Variants in NOX3 observed in about 807,000 individuals in gnomAD.
The protein encoded by NOX3 is NADPH oxidase catalytic subunit-like 3.
Under a neutral mutation model 76.7 loss-of-function variants are expected in NOX3, and 74 were observed. The observed-to-expected ratio is 0.96, with a 90% CI of 0.80 to 1.17. The LOEUF (loss-of-function observed/expected upper bound fraction) is 1.17. NOX3 is among the 50% of genes most tolerant of loss of function. The probability of loss-of-function intolerance (pLI) is 0.00; values close to 1 mark genes in which losing one functional copy is unlikely to be tolerated. For missense variants in NOX3, 695 were observed against 703.3 expected (o/e 0.99, Z 0.13); for synonymous variants, 263 against 261.1 (o/e 1.01, Z -0.07).
At chr6:155,444,898 A>T (rs1049521800) in intron 4 of NOX3, among the ~76,000 whole-genome samples, 1 of 152,218 alleles carries the variant, frequency 6.6e-6, no homozygotes, top group Non-Finnish European at 1.5e-5. Context: ...ATAAATTTGC[A>T]TGTGTTATTT....
At position 155,401,342 on chromosome 6, in the gene NOX3, A is replaced by T. The variant is rs1034502204; in HGVS notation, c.1581-4380T>A. Among the ~76,000 whole-genome samples the T allele has an allele frequency of 3.3e-5, 5 of 152,142 alleles. No homozygotes were observed. The East Asian group carries it at 9.6e-4, about 29-fold the overall frequency. On this transcript the variant is annotated intron_variant, in intron 12 of 13. Transcript: ENST00000159060. ...AGTTTATGGTGTCTTTATTTTTCCCATGAAGCTGTAACTTATCATGTGTTG... is the reference window on the plus strand; with the variant it reads ...AGTTTATGGTGTCTTTATTTTTCCCTTGAAGCTGTAACTTATCATGTGTTG...
chr6:155,442,692 C>A lies in NOX3; in HGVS notation c.486+581G>T, dbSNP rs1029852416. ...CTACATTTTTGGTTTTCTTTTTGTTCCCCATAGCTGCTGACAGTCTGTGCA... is the reference window on the plus strand; with the variant it reads ...CTACATTTTTGGTTTTCTTTTTGTTACCCATAGCTGCTGACAGTCTGTGCA... On this transcript the variant is annotated intron_variant, in intron 5 of 13. Coordinates refer to ENST00000159060, the MANE Select transcript of NOX3 (RefSeq NM_015718.3). 5.3e-5 allele frequency among the ~76,000 whole-genome samples: 8 copies of A among 152,290 alleles called. 1 individual carries two copies. Among genetic ancestry groups the A allele is most frequent in the East Asian group, 3.9e-4 (2 of 5,186 alleles).
chr6:155,436,339 C>CT (rs1181217511), intron 7 of NOX3, 79 bp downstream of exon 7: 2 of 1,539,034 alleles, frequency 1.3e-6, no homozygotes, highest in Non-Finnish European at 1.8e-6. Flanking sequence ...AATGTGCTTT[C>CT]TTTTTTCCAA....
chr6:155,407,198 C>G lies in NOX3; in HGVS notation c.1512G>C (p.Lys504Asn), dbSNP rs1239690628. 1 of 1,613,944 alleles carries G rather than the reference C, an allele frequency of 6.2e-7. No homozygotes were observed. Among genetic ancestry groups the G allele is most frequent in the Non-Finnish European group, 8.5e-7 (1 of 1,179,918 alleles). The change falls in exon 12 of 14, where the codon AAG becomes AAC. Residue 504 changes from lysine to asparagine, a missense_variant. Physicochemically the swap from Lys to Asn is moderately conservative, Grantham distance 94 (BLOSUM62 0). Coordinates refer to ENST00000159060, the MANE Select transcript of NOX3 (RefSeq NM_015718.3). ...DENTDVITGL[K>N]QKTFYGRPNW... ...TGGGCCTCCCATAGAAGGTCTTCTGCTTTAAGCCTGTAATCACGTCAGTAT... is the reference window on the plus strand; with the variant it reads ...TGGGCCTCCCATAGAAGGTCTTCTGGTTTAAGCCTGTAATCACGTCAGTAT...
chr6:155,442,364 G>T (rs956897566), intron 5 of NOX3, among the ~76,000 whole-genome samples: 1 of 152,212 alleles, frequency 6.6e-6, no homozygotes, highest in African/African-American at 2.4e-5. Context: ...CTAATTAGGG[G>T]ACATGACATG....
intron 4 of NOX3, 143 bp from the exon 5 acceptor site, chr6:155,443,561 T>A (rs2114705387): frequency 6.2e-6 from 6 of 970,380 alleles, no homozygotes; most frequent in Non-Finnish European, 8.9e-6. Context: ...TACACATCTT[T>A]CCCAGTGCTT....
intron 12 of NOX3, among the ~76,000 whole-genome samples, chr6:155,399,831 G>A (rs1011466443): frequency 6.6e-6 from 1 of 151,648 alleles, no homozygotes; most frequent in Non-Finnish European, 1.5e-5. Flanking sequence ...ACCCACAATC[G>A]CTTGGAATTA....
Position 155,445,966 on chromosome 6 carries a change from TATA to T in NOX3, c.341-2551_341-2549del, listed in dbSNP as rs796533645. Among the ~76,000 whole-genome samples, 13 of 102,374 alleles carry T rather than the reference TATA, an allele frequency of 1.3e-4. No homozygotes were observed. In the South Asian group the frequency reaches 2.1e-3, roughly 17 times the overall value. 67.2% of individuals were successfully genotyped at this position (102,374 alleles called of 152,430 possible). A position where few individuals can be genotyped will look rare whatever the true frequency, so the allele number is the denominator to read the frequency against. On this transcript the variant is annotated intron_variant, in intron 4 of 13. Transcript: ENST00000159060. ...ATATAATATATATATGCTATATATA[TATA>T]ATATATATATGCTATATATATATAT...
chr6:155,454,789 T>C, intron 3 of NOX3, 22 bp downstream of exon 3: 1 of 1,349,956 alleles, frequency 7.4e-7, no homozygotes. Context: ...GTTGAGATTA[T>C]TTCAGATATT....
At chr6:155,446,539 T>G (rs897856731) in intron 4 of NOX3, among the ~76,000 whole-genome samples, 5 of 152,220 alleles carry the variant, frequency 3.3e-5, no homozygotes, top group African/African-American at 1.2e-4. Context: ...GAATTTGCTG[T>G]TGATTCGTGA....
chr6:155,401,018 G>T (rs999381394), intron 12 of NOX3, among the ~76,000 whole-genome samples: 1 of 152,214 alleles, frequency 6.6e-6, no homozygotes, highest in African/African-American at 2.4e-5. Context: ...GGGAATGGTA[G>T]AGCCATTTTT....
At chr6:155,451,603 A>G (rs1777140570) in intron 4 of NOX3, among the ~76,000 whole-genome samples, 1 of 152,020 alleles carries the variant, frequency 6.6e-6, no homozygotes, top group Non-Finnish European at 1.5e-5. Flanking sequence ...CATTTTTCTT[A>G]TTCTTTGCTT....
Position 155,455,752 on chromosome 6 carries a change from C to T in NOX3, c.48+1G>A. 6.2e-7 allele frequency: 1 copy of T among 1,610,422 alleles called. No homozygotes were observed. The highest frequency in any genetic ancestry group is 8.5e-7 in the Non-Finnish European group (1 of 1,176,690). The stretch of plus-strand genomic sequence containing the variant: ...AGTTGAATAACAAAAATGATACTTA[C>T]TACTAATATGGTGGAGAGACCCTCA... On this transcript the variant is annotated splice_donor_variant, in intron 1 of 13. Transcript: ENST00000159060. LOFTEE classifies it high-confidence loss of function.
chr6:155,416,800 G>A (rs1238077069), intron 10 of NOX3, among the ~76,000 whole-genome samples: 1 of 137,848 alleles, frequency 7.3e-6, no homozygotes. Flanking sequence ...CTCCAGGCTG[G>A]AGTGCAGTGG....
intron 4 of NOX3, among the ~76,000 whole-genome samples, chr6:155,447,312 C>T (rs2114708135): frequency 6.6e-6 from 1 of 152,290 alleles, no homozygotes; most frequent in South Asian, 2.1e-4. Flanking sequence ...GCTGGGATTA[C>T]AGGCGTGAGC....
In NOX3 at chr6:155,422,694, C is replaced by T. The variant is rs769973883; in HGVS notation, c.1308G>A (p.Lys436=). The T allele has an allele frequency of 2.1e-5, 34 of 1,613,268 alleles. 1 individual carries two copies. In the South Asian group the frequency reaches 3.6e-4, roughly 17 times the overall value. The change falls in exon 10 of 14, where the codon AAG becomes AAA. Residue 436 remains lysine (K), a splice_region_variant and synonymous_variant. Coordinates refer to ENST00000159060, the MANE Select transcript of NOX3 (RefSeq NM_015718.3). ...GGGTGAACTAATGATTTTTCCGTACCTTGCTCAGCTTCAGTGGGGTCTGTG... is the reference window on the plus strand; with the variant it reads ...GGGTGAACTAATGATTTTTCCGTACTTTGCTCAGCTTCAGTGGGGTCTGTG... The part of the protein sequence containing the change: ...SEAQTPLKLS[K]VYFYWICRDA...
chr6:155,428,435 T>TA (rs542879691), intron 9 of NOX3, among the ~76,000 whole-genome samples: 59 of 151,802 alleles, frequency 3.9e-4, no homozygotes, highest in African/African-American at 1.3e-3. Context: ...ACAAATACAA[T>TA]AAAAAAAACT....
At chr6:155,436,713 T>G (rs1776909505) in intron 6 of NOX3, among the ~76,000 whole-genome samples, 166 bp from the exon 7 acceptor site, 1 of 152,178 alleles carries the variant, frequency 6.6e-6, no homozygotes, top group South Asian at 2.1e-4. Context: ...TCTTTAAAAA[T>G]AAGCATTTAA....
In NOX3 at chr6:155,402,217, G is replaced by C. The variant is rs1038007256; in HGVS notation, c.1580+4913C>G. On this transcript the variant is annotated intron_variant, in intron 12 of 13. Transcript: ENST00000159060. ...TCTCTAGATTAGTAAGACATAGATG[G>C]CAATGAATGTATTTAATTAGCCTAC... 3.4e-4 allele frequency among the ~76,000 whole-genome samples: 52 copies of C among 152,224 alleles called. 1 individual carries two copies. The highest frequency in any genetic ancestry group is 6.8e-3 in the Middle Eastern group (2 of 294).
Sources: gnomAD v4.1 joint callset for allele counts (sites outside exome capture counted in the v4.1 genomes callset) on GRCh38, gnomAD v4.1.1 for gene constraint, MANE v1.5 for transcripts, NCBI Gene and HGNC (gene_info 2026-07-23, HGNC 2026-07-21) for gene names.